Variants in LRRC7 observed in about 807,000 individuals in gnomAD.
The protein encoded by LRRC7 is leucine-rich repeat-containing protein 7.
LRRC7 carries 23 observed loss-of-function variants against 175.7 expected under a neutral mutation model. That is an observed-to-expected ratio of 0.13 (90% CI 0.09 to 0.19). The LOEUF is 0.19. Ranked by LOEUF, LRRC7 falls within the 10% of genes least tolerant of loss-of-function variation. The pLI, the probability that LRRC7 is intolerant of heterozygous loss-of-function variation, is 1.00. For missense variants in LRRC7, 1,354 were observed against 1,904.7 expected (o/e 0.71, Z 5.38); for synonymous variants, 685 against 680.9 (o/e 1.01, Z -0.09).
At chr1:69,922,933 G>C (rs1646937517) in intron 7 of LRRC7, among the ~76,000 whole-genome samples, 1 of 151,640 alleles carries the variant, frequency 6.6e-6, no homozygotes, top group Non-Finnish European at 1.5e-5. Context: ...TTAGCATTAG[G>C]TATACCTCCT....
At chr1:69,972,741 C>T (rs1030574899) in intron 8 of LRRC7, among the ~76,000 whole-genome samples, 40 of 151,732 alleles carry the variant, frequency 2.6e-4, no homozygotes, top group African/African-American at 9.2e-4. Context: ...GTAGAACTAC[C>T]GTCTGATCCA....
chr1:69,909,067 G>A (rs1646426956), intron 7 of LRRC7, among the ~76,000 whole-genome samples: 1 of 151,708 alleles, frequency 6.6e-6, no homozygotes, highest in African/African-American at 2.4e-5. Flanking sequence ...TTTAAAGTCT[G>A]TTTTATCAGA....
intron 2 of LRRC7, among the ~76,000 whole-genome samples, chr1:69,725,829 A>C (rs1245113806): frequency 6.6e-6 from 1 of 152,126 alleles, no homozygotes; most frequent in Non-Finnish European, 1.5e-5. Context: ...GCCCCACATG[A>C]CCCAGCAGCT....
At chr1:69,631,530 C>T (rs778654485) in intron 1 of LRRC7, among the ~76,000 whole-genome samples, 1 of 152,052 alleles carries the variant, frequency 6.6e-6, no homozygotes, top group Non-Finnish European at 1.5e-5. Context: ...TTTTGTTTGA[C>T]ATCATTATGG....
chr1:69,868,741 A>G (rs373068776), intron 7 of LRRC7, among the ~76,000 whole-genome samples: 1 of 152,146 alleles, frequency 6.6e-6, no homozygotes, highest in East Asian at 1.9e-4. Flanking sequence ...TAAACAATAG[A>G]AATTTATCTT....
chr1:69,663,080 A>C (rs766433229), intron 1 of LRRC7, among the ~76,000 whole-genome samples: 13 of 152,194 alleles, frequency 8.5e-5, no homozygotes, highest in Non-Finnish European at 1.8e-4. Context: ...TATTATTTCC[A>C]ACAATAAGAT....
At chr1:69,803,122 C>T (rs938982267) in intron 4 of LRRC7, among the ~76,000 whole-genome samples, 3 of 151,296 alleles carry the variant, frequency 2.0e-5, no homozygotes, top group South Asian at 2.1e-4. Context: ...CCTTATTTGC[C>T]GATTCCTGTG....
intron 25 of LRRC7, among the ~76,000 whole-genome samples, chr1:70,097,354 T>C (rs1271809936): frequency 6.6e-6 from 1 of 152,192 alleles, no homozygotes; most frequent in African/African-American, 2.4e-5. Context: ...ATTAAACCTA[T>C]GAGAATCAGT....
chr1:69,733,709 C>T (rs548499642), intron 2 of LRRC7, among the ~76,000 whole-genome samples: 1 of 152,004 alleles, frequency 6.6e-6, no homozygotes, highest in Non-Finnish European at 1.5e-5. Context: ...ACACTAAAAA[C>T]CTCTTCCACT....
At chr1:69,804,102 A>C (rs1218452608) in intron 4 of LRRC7, among the ~76,000 whole-genome samples, 1 of 151,180 alleles carries the variant, frequency 6.6e-6, no homozygotes, top group Non-Finnish European at 1.5e-5. Flanking sequence ...TGGTGCTCTA[A>C]TACATTTGGG....
chr1:70,049,588 T>A (rs965634780), intron 22 of LRRC7, among the ~76,000 whole-genome samples: 18 of 152,094 alleles, frequency 1.2e-4, no homozygotes, highest in African/African-American at 4.3e-4. Flanking sequence ...TCCAAATAAA[T>A]TCTTATAGAC....
intron 8 of LRRC7, among the ~76,000 whole-genome samples, chr1:69,935,645 AT>A (rs1422738486): frequency 1.3e-5 from 2 of 151,758 alleles, no homozygotes; most frequent in Non-Finnish European, 2.9e-5. Flanking sequence ...CGGTTTATGT[AT>A]TTTTGCTCAT....
At chr1:69,957,357 A>AC (rs1426440558) in intron 8 of LRRC7, among the ~76,000 whole-genome samples, 19 of 152,042 alleles carry the variant, frequency 1.2e-4, no homozygotes, top group Non-Finnish European at 2.8e-4. Context: ...ACTTCCATTG[A>AC]ACAAACGTAA....
chr1:69,859,688 G>A lies in LRRC7; in HGVS notation c.647+21405G>A, dbSNP rs142622056. 4.9e-3 allele frequency among the ~76,000 whole-genome samples: 749 copies of A among 151,938 alleles called. 5 individuals are homozygous for A. Among genetic ancestry groups the A allele is most frequent in the Non-Finnish European group, 7.5e-3 (507 of 67,900 alleles). On this transcript the variant is annotated intron_variant, in intron 7 of 26. Coordinates refer to ENST00000651989, the MANE Select transcript of LRRC7 (RefSeq NM_001370785.2). ...TTAGCTAAATTGTATAAATTTAAAC[G>A]TTAACCTTTCTGTAAAGGTAATGCT...
intron 23 of LRRC7, among the ~76,000 whole-genome samples, chr1:70,053,842 C>T (rs1473005662): frequency 2.0e-5 from 3 of 152,018 alleles, no homozygotes; most frequent in African/African-American, 7.2e-5. Context: ...GTTTTTTAAA[C>T]TGGTAAAATA....
In LRRC7 at chr1:70,125,859, A is replaced by T. The variant is rs771130086; in HGVS notation, c.*3972A>T. ...AACATGGAAGAAATTAGATTTATATATTCAAATATTAAGTGAAAAGTATCT... is the reference window on the plus strand; with the variant it reads ...AACATGGAAGAAATTAGATTTATATTTTCAAATATTAAGTGAAAAGTATCT... On this transcript the variant is annotated 3_prime_UTR_variant, in exon 27 of 27. Coordinates refer to ENST00000651989, the MANE Select transcript of LRRC7 (RefSeq NM_001370785.2). Among the ~76,000 whole-genome samples, 51 of 151,312 alleles carry T rather than the reference A, an allele frequency of 3.4e-4. No individual in the cohort carries two copies. The highest frequency in any genetic ancestry group is 6.5e-4 in the Non-Finnish European group (44 of 67,886).
chr1:69,659,830 T>C (rs1657190192), intron 1 of LRRC7, among the ~76,000 whole-genome samples: 1 of 151,376 alleles, frequency 6.6e-6, no homozygotes, highest in African/African-American at 2.4e-5. Flanking sequence ...CATAGAAAAA[T>C]CATGATTTCC....
chr1:70,002,758 T>C (rs1056693910), intron 11 of LRRC7, among the ~76,000 whole-genome samples: 3 of 152,114 alleles, frequency 2.0e-5, no homozygotes, highest in Admixed American at 6.6e-5. Flanking sequence ...TTGTCAGAAA[T>C]TGTTGTGGCA....
chr1:69,700,144 C>T (rs1437140682), intron 2 of LRRC7, among the ~76,000 whole-genome samples: 1 of 152,030 alleles, frequency 6.6e-6, no homozygotes, highest in Non-Finnish European at 1.5e-5. Context: ...AAGGTGTGGA[C>T]CTGAACTTAG....
Sources: allele counts gnomAD v4.1 joint callset (sites outside exome capture counted in the v4.1 genomes callset), GRCh38; gene constraint gnomAD v4.1.1; transcripts MANE v1.5; gene names NCBI Gene and HGNC (gene_info 2026-07-23, HGNC 2026-07-21).